The following BTBD16 variants were observed in gnomAD, a reference collection of about 807,000 sequenced individuals.
BTBD16 encodes the protein BTB/POZ domain-containing protein 16.
A neutral mutation model predicts 67.4 loss-of-function variants in BTBD16; 66 were observed. The ratio of observed to expected loss-of-function variants is 0.98; its 90% confidence interval spans 0.80 to 1.20. The LOEUF is 1.20. BTBD16 is among the 50% of genes most tolerant of loss of function. The pLI is 0.00. For synonymous variants in BTBD16, 242 were observed against 236.4 expected, an observed-to-expected ratio of 1.02 and a Z score of -0.22; for missense variants, 634 against 616.0, an observed-to-expected ratio of 1.03 and a Z score of -0.31.
At chr10:122,335,201 T>A (rs2096461656) in intron 14 of BTBD16, among the ~76,000 whole-genome samples, 1 of 152,242 alleles carries the variant, frequency 6.6e-6, no homozygotes. Context: ...ATCTGAAAAC[T>A]GAGCGTCTTT....
intron 10 of BTBD16, among the ~76,000 whole-genome samples, chr10:122,318,879 A>T (rs529616490): frequency 3.3e-5 from 5 of 152,270 alleles, no homozygotes; most frequent in African/African-American, 1.2e-4. Flanking sequence ...CATTTGCTCC[A>T]CATCCTTGCT....
At chr10:122,326,907 A>G (rs2096445920) in intron 10 of BTBD16, among the ~76,000 whole-genome samples, 1 of 152,232 alleles carries the variant, frequency 6.6e-6, no homozygotes, top group Admixed American at 6.5e-5. Context: ...AAACCATGCC[A>G]GTCTTTGAGT....
rs181737885 is a variant in BTBD16, at chr10:122,288,769, G to T, written c.386-1140G>T. The stretch of plus-strand genomic sequence containing the variant: ...ATTTGGGGTCAGGAAAGCCCTCTCG[G>T]GGGGAGGGACATGTGAGAAGACCCC... On this transcript the variant is annotated intron_variant, in intron 5 of 15. Transcript: ENST00000260723. 4.8e-3 allele frequency among the ~76,000 whole-genome samples: 726 copies of T among 152,304 alleles called. 7 individuals are homozygous for T. Among genetic ancestry groups the T allele is most frequent in the African/African-American group, 0.016 (685 of 41,560 alleles).
intron 7 of BTBD16, chr10:122,294,285 A>G (rs572011464): frequency 9.3e-5 from 84 of 903,254 alleles, no homozygotes; most frequent in Middle Eastern, 5.7e-4. Flanking sequence ...ATAGCATCAC[A>G]ACGTTCAGGT....
In BTBD16 at chr10:122,290,261, G is replaced by C. The variant is rs531250254; in HGVS notation, c.475+263G>C. ...GTGAAGGATGCAGAGACCGGGAGAA[G>C]ACAGCGGCTTCTCAGAGACGGACCA... On this transcript the variant is annotated intron_variant, in intron 6 of 15. Coordinates refer to ENST00000260723, the MANE Select transcript of BTBD16 (RefSeq NM_144587.5). 4.4e-4 allele frequency among the ~76,000 whole-genome samples: 67 copies of C among 152,306 alleles called. No individual in the cohort carries two copies. The South Asian group carries it at 0.013, about 30-fold the overall frequency.
chr10:122,274,979 TCTC>T (rs1236831413), intron 1 of BTBD16, 58 bp from the exon 2 acceptor site: 1 of 1,164,818 alleles, frequency 8.6e-7, no homozygotes, highest in African/African-American at 1.5e-5. Context: ...TTTAGGCCAA[TCTC>T]CTCCATAATA....
intron 2 of BTBD16, among the ~76,000 whole-genome samples, chr10:122,275,622 T>C (rs1377441942): frequency 1.3e-5 from 2 of 152,158 alleles, no homozygotes; most frequent in Non-Finnish European, 2.9e-5. Context: ...ACTCATATGC[T>C]CTAGTCCGTG....
chr10:122,329,449 G>T (rs750039686), intron 10 of BTBD16, 31 bp from the exon 11 acceptor site: 10 of 1,607,626 alleles, frequency 6.2e-6, no homozygotes, highest in Non-Finnish European at 7.7e-6. Context: ...TTTGCTGAAG[G>T]TCTGTTATTC....
At chr10:122,277,449 C>G (rs917078379) in intron 3 of BTBD16, among the ~76,000 whole-genome samples, 3 of 152,106 alleles carry the variant, frequency 2.0e-5, no homozygotes, top group African/African-American at 7.2e-5. Context: ...GTTTGTGTTG[C>G]TATAAGGAAA....
At chr10:122,284,393 G>A (rs1013212531) in intron 4 of BTBD16, among the ~76,000 whole-genome samples, 1 of 151,924 alleles carries the variant, frequency 6.6e-6, no homozygotes, top group Non-Finnish European at 1.5e-5. Flanking sequence ...AGGTTGCAGT[G>A]AGCCAAGACT....
chr10:122,338,075 C>T lies in BTBD16; in HGVS notation c.1511C>T (p.Pro504Leu), dbSNP rs1208552641. The T allele has an allele frequency of 6.2e-7, 1 of 1,604,528 alleles. No individual in the cohort carries two copies. Among genetic ancestry groups the T allele is most frequent in the Non-Finnish European group, 8.5e-7 (1 of 1,171,304 alleles). Reference sequence around the variant, plus strand: ...TATGTAAGTTTTGCATTCATCTTCCCAGCATCTTGACAGTTTCCAGAAGAA... The same window carrying T: ...TATGTAAGTTTTGCATTCATCTTCCTAGCATCTTGACAGTTTCCAGAAGAA... ...PIYVSFAFIF[P>L]AS is the part of the protein sequence containing the mutation. Residue 504 changes from proline (P) to leucine (L), a missense_variant, in exon 16 of 16, where the codon CCA becomes CTA. Coordinates refer to ENST00000260723, the MANE Select transcript of BTBD16 (RefSeq NM_144587.5).
chr10:122,286,872 G>A (rs543352515), intron 5 of BTBD16, among the ~76,000 whole-genome samples: 2 of 152,206 alleles, frequency 1.3e-5, no homozygotes, highest in East Asian at 3.9e-4. Flanking sequence ...CATCTGCACT[G>A]CCAGCTGCTG....
chr10:122,308,864 G>A (rs1452294411), intron 10 of BTBD16, among the ~76,000 whole-genome samples: 1 of 152,124 alleles, frequency 6.6e-6, no homozygotes, highest in Admixed American at 6.5e-5. Context: ...TGCATCTCCT[G>A]AGCCCCGGGC....
At chr10:122,277,104 G>A (rs10788271) in intron 3 of BTBD16, among the ~76,000 whole-genome samples, 165 bp downstream of exon 3, 38,624 of 151,840 alleles carry the variant, frequency 0.25, 5,068 homozygotes, top group East Asian at 0.42. Flanking sequence ...GGTCATAAGT[G>A]ACTACTACCT....
chr10:122,305,420 C>T (rs2096401963), intron 9 of BTBD16, among the ~76,000 whole-genome samples: 1 of 152,164 alleles, frequency 6.6e-6, no homozygotes, highest in South Asian at 2.1e-4. Flanking sequence ...TGGTGCTGTT[C>T]TCCTGATAGT....
Position 122,308,128 on chromosome 10 carries a change from C to G in BTBD16, c.911+820C>G, listed in dbSNP as rs1325996257. Among the ~76,000 whole-genome samples the G allele has an allele frequency of 2.0e-5, 3 of 152,280 alleles. No homozygotes were observed. In the South Asian group the frequency reaches 6.2e-4, roughly 32 times the overall value. ...ACCAGGAGGAATTGCTGTTTGGCTC[C>G]AGGTCAGCTCTCCTACTGGAAACGT... On this transcript the variant is annotated intron_variant, in intron 10 of 15. Transcript: ENST00000260723.
rs769119087 is a variant in BTBD16 at position 122,286,124 on chromosome 10, G to T, written c.261G>T (p.Leu87=). The part of the protein sequence containing the change: ...SGEADVILEC[L]GFKWELHQPQ... ...CCTCAGATGTGATTCTCGAGTGCCT[G>T]GGCTTCAAATGGGAGCTCCATCAGC... Residue 87 remains leucine, a synonymous_variant, in exon 5 of 16, where the codon CTG becomes CTT. Transcript: ENST00000260723. 38 of 1,613,470 alleles carry T rather than the reference G, an allele frequency of 2.4e-5. No individual in the cohort carries two copies. The highest frequency in any genetic ancestry group is 3.1e-5 in the Non-Finnish European group (36 of 1,179,698).
intron 9 of BTBD16, among the ~76,000 whole-genome samples, chr10:122,302,622 G>A (rs1236176146): frequency 6.6e-6 from 1 of 152,214 alleles, no homozygotes; most frequent in Non-Finnish European, 1.5e-5. Context: ...CTCCAGCATG[G>A]GACAAGGTTC....
At chr10:122,295,864 C>CA (rs1564976283) in intron 7 of BTBD16, among the ~76,000 whole-genome samples, 2 of 152,070 alleles carry the variant, frequency 1.3e-5, no homozygotes, top group Admixed American at 1.3e-4. Context: ...TGGCCATGAC[C>CA]AGATTATTTA....
Sources: allele counts gnomAD v4.1 joint callset (sites outside exome capture counted in the v4.1 genomes callset), GRCh38; gene constraint gnomAD v4.1.1; transcripts MANE v1.5; gene names NCBI Gene and HGNC (gene_info 2026-07-23, HGNC 2026-07-21).